Variants in CSNK1G1 observed in about 807,000 individuals in gnomAD.
CSNK1G1 encodes the protein casein kinase I isoform gamma-1.
Under a neutral mutation model 59.6 loss-of-function variants are expected in CSNK1G1, and 22 were observed. That is an observed-to-expected ratio of 0.37 (90% confidence interval 0.26 to 0.53). The LOEUF (loss-of-function observed/expected upper bound fraction) is 0.53, where lower values mean the gene tolerates loss of function less well. Ranked by LOEUF, CSNK1G1 falls within the 20% of genes least tolerant of loss-of-function variation. CSNK1G1 has a pLI of 0.89. For synonymous variants in CSNK1G1, 179 were observed against 177.1 expected (o/e 1.01, Z -0.08); for missense variants, 384 against 519.5 (o/e 0.74, Z 2.54).
chr15:64,198,808 GA>G (rs1652362004), intron 10 of CSNK1G1, among the ~76,000 whole-genome samples: 2 of 151,742 alleles, frequency 1.3e-5, no homozygotes, highest in Non-Finnish European at 1.5e-5. Context: ...AGGTTGAACA[GA>G]CACTAGAAAT....
intron 10 of CSNK1G1, chr15:64,181,127 C>T: frequency 6.9e-7 from 1 of 1,450,502 alleles, no homozygotes; most frequent in Non-Finnish European, 9.0e-7. Flanking sequence ...ATTGTCACAT[C>T]CTCTCCGACA....
At position 64,165,808 on chromosome 15, in the gene CSNK1G1, G is replaced by A; in HGVS notation, c.*6123C>T. 2.5e-6 allele frequency: 1 copy of A among 401,474 alleles called. No individual in the cohort carries two copies. 24.9% of individuals were successfully genotyped at this position (401,474 alleles called of 1,614,324 possible). Reference sequence around the variant, plus strand: ...TGAGTCCTTTCCTCCCCAAACTGGGGAAGAGGTATACTTAAAGATCACATT... The same window carrying A: ...TGAGTCCTTTCCTCCCCAAACTGGGAAAGAGGTATACTTAAAGATCACATT... On this transcript the variant is annotated 3_prime_UTR_variant, in exon 12 of 12. Transcript: ENST00000303052.
chr15:64,186,953 G>A (rs1362264481), intron 10 of CSNK1G1, among the ~76,000 whole-genome samples: 1 of 151,656 alleles, frequency 6.6e-6, no homozygotes, highest in African/African-American at 2.4e-5. Flanking sequence ...CTCCTGAGTA[G>A]CTGGAACTAT....
At chr15:64,177,254 C>T (rs917776233) in intron 11 of CSNK1G1, among the ~76,000 whole-genome samples, 8 of 152,092 alleles carry the variant, frequency 5.3e-5, no homozygotes, top group African/African-American at 1.9e-4. Context: ...AGCATCATCC[C>T]CTTCTACCCC....
chr15:64,276,341 T>G (rs1459194194), intron 2 of CSNK1G1, among the ~76,000 whole-genome samples: 2 of 152,202 alleles, frequency 1.3e-5, no homozygotes, highest in Non-Finnish European at 2.9e-5. Context: ...TTTTAAAATT[T>G]TTATGCATAA....
chr15:64,222,804 A>G (rs1010076892), intron 4 of CSNK1G1, among the ~76,000 whole-genome samples: 4 of 152,286 alleles, frequency 2.6e-5, no homozygotes, highest in African/African-American at 7.2e-5. Flanking sequence ...GAAAAACACT[A>G]TATCTAGAGA....
chr15:64,332,597 C>T (rs914738363), intron 1 of CSNK1G1, among the ~76,000 whole-genome samples: 5 of 146,544 alleles, frequency 3.4e-5, no homozygotes, highest in Admixed American at 6.8e-5. Context: ...GTGGGTGCAG[C>T]GCACCAGCAT....
intron 4 of CSNK1G1, among the ~76,000 whole-genome samples, chr15:64,245,893 C>G (rs75487312): frequency 0.043 from 6,500 of 152,128 alleles, 154 homozygotes; most frequent in South Asian, 0.079. Flanking sequence ...CATGTGAAAA[C>G]TTAAAAAGTT....
intron 2 of CSNK1G1, among the ~76,000 whole-genome samples, chr15:64,277,013 G>GT (rs1893664243): frequency 6.6e-6 from 1 of 151,846 alleles, no homozygotes; most frequent in African/African-American, 2.4e-5. Flanking sequence ...AGAGTTCAAG[G>GT]TAAAGCAATC....
chr15:64,212,725 G>C (rs905199415), intron 6 of CSNK1G1, among the ~76,000 whole-genome samples: 6 of 151,658 alleles, frequency 4.0e-5, no homozygotes, highest in Admixed American at 3.3e-4. Context: ...AAATAAATAT[G>C]CTGGGCACGG....
At chr15:64,290,903 G>A (rs757314404) in intron 2 of CSNK1G1, among the ~76,000 whole-genome samples, 10 of 151,980 alleles carry the variant, frequency 6.6e-5, no homozygotes, top group African/African-American at 2.4e-4. Context: ...CAGTAGAGAC[G>A]GGGTTTCACC....
intron 1 of CSNK1G1, among the ~76,000 whole-genome samples, chr15:64,331,187 A>G (rs1033053651): frequency 2.1e-5 from 3 of 141,550 alleles, no homozygotes; most frequent in African/African-American, 7.9e-5. Flanking sequence ...TTTAAAGTTC[A>G]TATGGAACCA....
At chr15:64,355,391 C>T (rs368919597) in intron 1 of CSNK1G1, among the ~76,000 whole-genome samples, 1 of 152,180 alleles carries the variant, frequency 6.6e-6, no homozygotes, top group Admixed American at 6.5e-5. Flanking sequence ...TGCCTGCCCA[C>T]TTGGGGGACA....
chr15:64,215,058 C>T (rs1482029471), intron 5 of CSNK1G1, among the ~76,000 whole-genome samples: 3 of 152,054 alleles, frequency 2.0e-5, no homozygotes, highest in Admixed American at 1.3e-4. Context: ...ACCTCAGCCT[C>T]ACAAAGTGCT....
chr15:64,228,273 T>C (rs1254046697), intron 4 of CSNK1G1, among the ~76,000 whole-genome samples: 2 of 152,202 alleles, frequency 1.3e-5, no homozygotes, highest in Non-Finnish European at 2.9e-5. Context: ...AACAGACAGA[T>C]ATAGCATGGA....
At chr15:64,272,510 C>A (rs1596196062) in intron 2 of CSNK1G1, among the ~76,000 whole-genome samples, 1 of 152,162 alleles carries the variant, frequency 6.6e-6, no homozygotes, top group Admixed American at 6.5e-5. Context: ...AGACACCACG[C>A]CCGGCCCCAC....
chr15:64,246,800 T>A (rs1046317649), intron 4 of CSNK1G1, among the ~76,000 whole-genome samples: 1 of 152,026 alleles, frequency 6.6e-6, no homozygotes, highest in African/African-American at 2.4e-5. Context: ...GACCTCCATT[T>A]TCCTGTCATT....
At chr15:64,318,864 G>A (rs1039742012) in intron 1 of CSNK1G1, among the ~76,000 whole-genome samples, 11 of 151,998 alleles carry the variant, frequency 7.2e-5, no homozygotes, top group Non-Finnish European at 8.8e-5. Context: ...ACCCATCTCA[G>A]CCTCCCAAAG....
chr15:64,278,379 T>C (rs1051115467), intron 2 of CSNK1G1, among the ~76,000 whole-genome samples: 8 of 63,096 alleles, frequency 1.3e-4, no homozygotes, highest in South Asian at 8.1e-4. Context: ...TGTATGTGCG[T>C]GTGTGTGTGT....
Sources: gnomAD v4.1 joint callset for allele counts (sites outside exome capture counted in the v4.1 genomes callset) on GRCh38, gnomAD v4.1.1 for gene constraint, MANE v1.5 for transcripts, NCBI Gene and HGNC (gene_info 2026-07-23, HGNC 2026-07-21) for gene names.